Variants in NECAB1 observed in about 807,000 individuals in gnomAD.
NECAB1 encodes N-terminal EF-hand calcium-binding protein 1.
In NECAB1, 29 loss-of-function variants were observed where a neutral mutation model predicts 57.5. The ratio of observed to expected loss-of-function variants is 0.50; its 90% CI spans 0.38 to 0.69. The LOEUF (loss-of-function observed/expected upper bound fraction) is 0.69, where lower values mean the gene tolerates loss of function less well. Among genes scored for constraint, NECAB1 ranks in the 30% least tolerant of loss-of-function variants. The probability of loss-of-function intolerance (pLI) is 0.00; values close to 1 mark genes in which losing one functional copy is unlikely to be tolerated. For synonymous variants in NECAB1, 142 were observed against 147.7 expected (o/e 0.96, Z 0.28); for missense variants, 372 against 413.8 (o/e 0.90, Z 0.88).
At chr8:90,839,983 T>TA (rs1254332284) in intron 3 of NECAB1, among the ~76,000 whole-genome samples, 1 of 152,206 alleles carries the variant, frequency 6.6e-6, no homozygotes, top group Non-Finnish European at 1.5e-5. Context: ...AGCTGTGCTT[T>TA]AAAAAATGTT....
At chr8:90,949,146 TTGTGTGTGTGTGTGTGTGTGTGTG>T (rs59311652) in intron 10 of NECAB1, among the ~76,000 whole-genome samples, 10 of 129,876 alleles carry the variant, frequency 7.7e-5, no homozygotes, top group African/African-American at 1.2e-4. Context: ...AACAGGCACT[TTGTGTGTGTGTGTGTGTGTGTGTG>T]TGTGTGTGTG....
At chr8:90,813,400 T>C (rs1310480152) in intron 2 of NECAB1, among the ~76,000 whole-genome samples, 1 of 151,990 alleles carries the variant, frequency 6.6e-6, no homozygotes, top group Non-Finnish European at 1.5e-5. Context: ...GTTAAATATA[T>C]GTTATATTTC....
intron 6 of NECAB1, among the ~76,000 whole-genome samples, chr8:90,918,903 A>G (rs889484445): frequency 6.6e-6 from 1 of 152,120 alleles, no homozygotes; most frequent in African/African-American, 2.4e-5. Context: ...ATTTGGTGTA[A>G]TTTTGAAAAT....
chr8:90,852,602 T>C (rs1277412991), intron 3 of NECAB1, among the ~76,000 whole-genome samples: 1 of 152,184 alleles, frequency 6.6e-6, no homozygotes, highest in Non-Finnish European at 1.5e-5. Flanking sequence ...ATCCTCTGCC[T>C]GTAAAGACCC....
At chr8:90,915,972 G>A (rs1473645147) in intron 5 of NECAB1, among the ~76,000 whole-genome samples, 1 of 152,234 alleles carries the variant, frequency 6.6e-6, no homozygotes, top group Non-Finnish European at 1.5e-5. Flanking sequence ...GGCAGCTGTA[G>A]TAGTTGGTAC....
chr8:90,943,109 G>A (rs149558407), intron 10 of NECAB1, among the ~76,000 whole-genome samples: 54 of 152,270 alleles, frequency 3.5e-4, no homozygotes, highest in African/African-American at 1.2e-3. Context: ...TTGGGAAAAT[G>A]ACCTCGAGCT....
In NECAB1 at chr8:90,830,109, C is replaced by T. The variant is rs7821800; in HGVS notation, c.233+5284C>T. Among the ~76,000 whole-genome samples, 1,093 of 152,052 alleles carry T rather than the reference C, an allele frequency of 7.2e-3. 14 individuals carry two copies. Among genetic ancestry groups the T allele is most frequent in the African/African-American group, 0.024 (1,003 of 41,504 alleles). Reference sequence around the variant, plus strand: ...CTTTTACACTGCTTAAGTGGACATACGCTGTGGGCAGTAGAAAAAGAAGGA... The same window carrying T: ...CTTTTACACTGCTTAAGTGGACATATGCTGTGGGCAGTAGAAAAAGAAGGA... On this transcript the variant is annotated intron_variant, in intron 3 of 12. Coordinates refer to ENST00000417640, the MANE Select transcript of NECAB1 (RefSeq NM_022351.5).
At chr8:90,854,847 G>T (rs1586061041) in intron 3 of NECAB1, among the ~76,000 whole-genome samples, 2 of 152,190 alleles carry the variant, frequency 1.3e-5, no homozygotes, top group East Asian at 3.9e-4. Flanking sequence ...ATCTGGTTCT[G>T]TCAAGAATGC....
chr8:90,808,340 A>C (rs1231370668), intron 2 of NECAB1, among the ~76,000 whole-genome samples: 3 of 152,090 alleles, frequency 2.0e-5, no homozygotes, highest in Admixed American at 6.5e-5. Flanking sequence ...TGTTCCTGCA[A>C]TTTAATCGTC....
intron 3 of NECAB1, among the ~76,000 whole-genome samples, chr8:90,841,179 G>A (rs1812448607): frequency 6.6e-6 from 1 of 151,810 alleles, no homozygotes; most frequent in Admixed American, 6.6e-5. Flanking sequence ...AGAATGGTGT[G>A]AACCTGGGAG....
intron 6 of NECAB1, among the ~76,000 whole-genome samples, chr8:90,920,721 A>G (rs1810087743): frequency 6.6e-6 from 1 of 152,142 alleles, no homozygotes; most frequent in Admixed American, 6.5e-5. Context: ...ATTACCATGT[A>G]TTCCCATAGT....
chr8:90,877,583 T>C (rs1259733612), intron 4 of NECAB1, among the ~76,000 whole-genome samples: 1 of 152,184 alleles, frequency 6.6e-6, no homozygotes, highest in Non-Finnish European at 1.5e-5. Flanking sequence ...AAATGCAGAA[T>C]GTGATTCAAC....
intron 3 of NECAB1, among the ~76,000 whole-genome samples, chr8:90,838,354 A>G (rs1197107942): frequency 1.3e-5 from 2 of 152,248 alleles, no homozygotes; most frequent in African/African-American, 2.4e-5. Flanking sequence ...GACCCAAAAC[A>G]TTTCTAATAC....
intron 8 of NECAB1, among the ~76,000 whole-genome samples, chr8:90,929,777 G>A (rs765958602): frequency 4.6e-5 from 7 of 152,106 alleles, no homozygotes; most frequent in Non-Finnish European, 8.8e-5. Flanking sequence ...TATTTGCTAT[G>A]GAGAAGTAAA....
intron 1 of NECAB1, among the ~76,000 whole-genome samples, chr8:90,801,204 T>C (rs369407629): frequency 4.3e-4 from 66 of 152,270 alleles, no homozygotes; most frequent in African/African-American, 1.4e-3. Context: ...TTCAAGATAA[T>C]AACTATCTCT....
chr8:90,893,487 C>T (rs1278345290), intron 5 of NECAB1, among the ~76,000 whole-genome samples: 2 of 152,138 alleles, frequency 1.3e-5, no homozygotes, highest in African/African-American at 4.8e-5. Context: ...AAGGGAAGAG[C>T]GACTTGGCGA....
intron 7 of NECAB1, among the ~76,000 whole-genome samples, chr8:90,927,968 G>A (rs1205609909): frequency 6.7e-6 from 1 of 150,216 alleles, no homozygotes; most frequent in Non-Finnish European, 1.5e-5. Flanking sequence ...TGGCTCAGCA[G>A]GATCTTTTCT....
At chr8:90,939,013 C>T (rs561984713) in intron 9 of NECAB1, among the ~76,000 whole-genome samples, 110 of 152,148 alleles carry the variant, frequency 7.2e-4, no homozygotes, top group Middle Eastern at 6.8e-3. Context: ...GGTTTTTAAT[C>T]CTCTAATATA....
intron 6 of NECAB1, among the ~76,000 whole-genome samples, chr8:90,921,605 C>T (rs369675095): frequency 9.2e-5 from 14 of 151,900 alleles, no homozygotes; most frequent in East Asian, 7.8e-4. Context: ...ACCCAGGAGG[C>T]GGAGGTTGCA....
Sources: allele counts gnomAD v4.1 joint callset (sites outside exome capture counted in the v4.1 genomes callset), GRCh38; gene constraint gnomAD v4.1.1; transcripts MANE v1.5; gene names NCBI Gene and HGNC (gene_info 2026-07-23, HGNC 2026-07-21).